The following KMT2A variants were observed in gnomAD, a reference collection of about 807,000 sequenced individuals.
The protein encoded by KMT2A is lysine methyltransferase 2A.
In KMT2A, 16 loss-of-function variants were observed where a neutral mutation model predicts 345.3. The observed-to-expected ratio is 0.05, with a 90% confidence interval of 0.03 to 0.07. The LOEUF (loss-of-function observed/expected upper bound fraction) is 0.07, where lower values mean the gene tolerates loss of function less well. Among genes scored for constraint, KMT2A ranks in the 10% least tolerant of loss-of-function variants. KMT2A has a pLI of 1.00. For missense variants in KMT2A, 3,272 were observed against 4,841.6 expected, an observed-to-expected ratio of 0.68 and a Z score of 9.62; for synonymous variants, 1,599 against 1,778.6, an observed-to-expected ratio of 0.90 and a Z score of 2.54.
At chr11:118,440,448 C>T (rs1464956623) in intron 1 of KMT2A, among the ~76,000 whole-genome samples, 3 of 152,176 alleles carry the variant, frequency 2.0e-5, no homozygotes, top group African/African-American at 7.2e-5. Flanking sequence ...TCTAAATAAA[C>T]ATAGTACAGC....
chr11:118,480,436 A>G (rs1031227708), intron 6 of KMT2A, among the ~76,000 whole-genome samples, 198 bp downstream of exon 6: 1 of 152,108 alleles, frequency 6.6e-6, no homozygotes, highest in Non-Finnish European at 1.5e-5. Flanking sequence ...GAAATTTTCC[A>G]TAATAAATTT....
At chr11:118,513,844 G>A (rs1950742052) in intron 31 of KMT2A, among the ~76,000 whole-genome samples, 2 of 150,842 alleles carry the variant, frequency 1.3e-5, no homozygotes, top group South Asian at 4.2e-4. Flanking sequence ...AGCTGATGTG[G>A]GAGGAGCGCA....
chr11:118,511,919 C>T, intron 30 of KMT2A, 32 bp from the exon 31 acceptor site: 3 of 1,585,610 alleles, frequency 1.9e-6, no homozygotes, highest in Non-Finnish European at 2.6e-6. Context: ...TGCATATTTT[C>T]TGGCTTACGG....
chr11:118,517,860 T>G (rs1411037943), intron 31 of KMT2A, among the ~76,000 whole-genome samples: 2 of 152,150 alleles, frequency 1.3e-5, no homozygotes, highest in African/African-American at 4.8e-5. Context: ...ATATTGCTTA[T>G]CTAGAGACAA....
rs1351516516 is a variant in KMT2A, at chr11:118,481,648, T to C, written c.3635-67T>C. 9 of 1,500,552 alleles carry C rather than the reference T, an allele frequency of 6.0e-6. No homozygotes were observed. The African/African-American group carries it at 8.4e-5, about 14-fold the overall frequency. 93.0% of individuals were successfully genotyped at this position (1,500,552 alleles called of 1,614,324 possible). On this transcript the variant is annotated intron_variant, in intron 6 of 35. Transcript: ENST00000534358. ...GGATTGCTGGATCATATGGTGGCTCTGTAATTCTATTTTAAATAAAATTAT... is the reference window on the plus strand; with the variant it reads ...GGATTGCTGGATCATATGGTGGCTCCGTAATTCTATTTTAAATAAAATTAT...
At chr11:118,489,686 G>A (rs1376755521) in intron 11 of KMT2A, 106 bp from the exon 12 acceptor site, 2 of 822,458 alleles carry the variant, frequency 2.4e-6, no homozygotes, top group South Asian at 3.0e-5. Context: ...ACTCATAATT[G>A]TGTGCTGTAC....
At position 118,521,021 on chromosome 11, in the gene KMT2A, C is replaced by A; in HGVS notation, c.11513+136C>A. ...GACACTATTTATTGACCCTCATATC[C>A]TGGGATCCTGCACCTCCTTGTGTTG... On this transcript the variant is annotated intron_variant, in intron 34 of 35. Transcript: ENST00000534358. The surrounding 1 kb of genome is among the most constrained non-coding windows in gnomAD (Gnocchi z 5.3). 1 of 704,236 alleles carries A rather than the reference C, an allele frequency of 1.4e-6. No individual in the cohort carries two copies. The highest frequency in any genetic ancestry group is 1.7e-5 in the South Asian group (1 of 57,426). 43.6% of individuals were successfully genotyped at this position (704,236 alleles called of 1,614,324 possible).
At chr11:118,482,258 C>CA (rs536475692) in intron 7 of KMT2A, among the ~76,000 whole-genome samples, 164 bp from the exon 8 acceptor site, 201 of 148,376 alleles carry the variant, frequency 1.4e-3, no homozygotes, top group African/African-American at 3.9e-3. Flanking sequence ...GAAACAGAAA[C>CA]AAAAAAAACA....
In KMT2A at chr11:118,472,551, A is replaced by G; in HGVS notation, c.1392A>G (p.Ala464=). The G allele has an allele frequency of 1.2e-6, 2 of 1,611,976 alleles. No homozygotes were observed. Among genetic ancestry groups the G allele is most frequent in the Non-Finnish European group, 1.7e-6 (2 of 1,179,720 alleles). ...PSCGSSEKSS[A]ASQHSSQMSS... ...GTGGATCTTCTGAAAAATCAAGTGC[A>G]GCTTCTCAGCACTCCTCTCAAATGT... The change falls in exon 3 of 36, where the codon GCA becomes GCG. Residue 464 remains alanine (A), a synonymous_variant. Coordinates refer to ENST00000534358, the MANE Select transcript of KMT2A (RefSeq NM_001197104.2).
Position 118,523,508 on chromosome 11 carries a change from A to T in KMT2A, c.*1336A>T, listed in dbSNP as rs1555054347. 8.9e-6 allele frequency: 2 copies of T among 223,892 alleles called. No individual in the cohort carries two copies. Among genetic ancestry groups the T allele is most frequent in the East Asian group, 6.5e-5 (1 of 15,354 alleles). 13.9% of individuals were successfully genotyped at this position (223,892 alleles called of 1,614,324 possible). On this transcript the variant is annotated 3_prime_UTR_variant, in exon 36 of 36. Coordinates refer to ENST00000534358, the MANE Select transcript of KMT2A (RefSeq NM_001197104.2). Reference sequence around the variant, plus strand: ...CCAAGACAGAGTCCTGAACCTGTTAAATTAAGTCATTGGATTTTACTCTGT... The same window carrying T: ...CCAAGACAGAGTCCTGAACCTGTTATATTAAGTCATTGGATTTTACTCTGT...
intron 1 of KMT2A, among the ~76,000 whole-genome samples, chr11:118,437,520 C>G (rs1555139034): frequency 6.6e-6 from 1 of 151,306 alleles, no homozygotes; most frequent in East Asian, 2.0e-4. Flanking sequence ...AGCCACTCCC[C>G]CTTCCTTCAC....
At position 118,503,481 on chromosome 11, in the gene KMT2A, T is replaced by C; in HGVS notation, c.7589T>C (p.Leu2530Pro). 5.6e-6 allele frequency: 9 copies of C among 1,614,104 alleles called. No homozygotes were observed. The highest frequency in any genetic ancestry group is 7.6e-6 in the Non-Finnish European group (9 of 1,180,016). ...KRTVKVTLTP[L>P]KMENESQSKN... Reference sequence around the variant, plus strand: ...ACAGTCAAAGTGACACTGACACCTCTAAAAATGGAAAATGAGAGTCAATCC... The same window carrying C: ...ACAGTCAAAGTGACACTGACACCTCCAAAAATGGAAAATGAGAGTCAATCC... Residue 2530 changes from leucine to proline, a missense_variant, in exon 27 of 36, where the codon CTA becomes CCA. This residue lies in a region of KMT2A where 445 missense variants were observed against 500.9 expected (regional missense o/e 0.89). Transcript: ENST00000534358. The surrounding 1 kb of genome is among the most constrained non-coding windows in gnomAD (Gnocchi z 5.3).
intron 1 of KMT2A, among the ~76,000 whole-genome samples, chr11:118,459,567 A>G (rs1306961797): frequency 6.6e-6 from 1 of 152,230 alleles, no homozygotes; most frequent in Non-Finnish European, 1.5e-5. Flanking sequence ...GAGCTTATTC[A>G]ATAGAGGAAT....
At position 118,496,298 on chromosome 11, in the gene KMT2A, C is replaced by G. The variant is rs782296960; in HGVS notation, c.5595C>G (p.Asn1865Lys). Residue 1865 changes from asparagine (N) to lysine (K), a missense_variant, in exon 20 of 36, where the codon AAC becomes AAG. Asn to Lys is a moderately conservative substitution (Grantham distance 94). Around this residue, in one of 27 missense-constraint regions of KMT2A, gnomAD observed 235 missense variants for 503.4 expected, o/e 0.47. Coordinates refer to ENST00000534358, the MANE Select transcript of KMT2A (RefSeq NM_001197104.2). The surrounding 1 kb of genome is among the most constrained non-coding windows in gnomAD (Gnocchi z 4.7). ...DRSREDSPELNPPPGIEDNRQ... is the reference protein window; with the variant it reads ...DRSREDSPELKPPPGIEDNRQ... ...GTCGAGAAGACAGTCCAGAGCTGAA[C>G]CCACCCCCAGGCATAGAAGACAATA... 2.5e-6 allele frequency: 4 copies of G among 1,613,702 alleles called. No individual in the cohort carries two copies. In the African/African-American group the frequency reaches 5.3e-5, roughly 22 times the overall value.
rs782418763 is a variant in KMT2A, at chr11:118,472,095, A to G, written c.936A>G (p.Ile312Met). ...GAAGGCCTCCATCAACAGAAAGGAT[A>G]AAGACCCCTTCGGGTCTCCTCATTA... ...RRGRPPSTER[I>M]KTPSGLLINS... is the part of the protein sequence containing the mutation. Residue 312 changes from isoleucine to methionine, a missense_variant, in exon 3 of 36, where the codon ATA becomes ATG. Transcript: ENST00000534358. 18 of 1,614,018 alleles carry G rather than the reference A, an allele frequency of 1.1e-5. No homozygotes were observed. Among genetic ancestry groups the G allele is most frequent in the Non-Finnish European group, 1.5e-5 (18 of 1,179,994 alleles).
At chr11:118,458,458 A>G (rs563900307) in intron 1 of KMT2A, among the ~76,000 whole-genome samples, 2 of 152,324 alleles carry the variant, frequency 1.3e-5, no homozygotes, top group East Asian at 3.9e-4. Context: ...CTACTATAGT[A>G]CTATTACCAC....
chr11:118,474,946 A>G (rs1950007764), intron 3 of KMT2A, among the ~76,000 whole-genome samples: 1 of 151,700 alleles, frequency 6.6e-6, no homozygotes, highest in Non-Finnish European at 1.5e-5. Flanking sequence ...CCTGGCCAAC[A>G]CGGTGAAACC....
chr11:118,455,784 A>C (rs782513935), intron 1 of KMT2A, among the ~76,000 whole-genome samples: 2 of 150,908 alleles, frequency 1.3e-5, no homozygotes, highest in Non-Finnish European at 2.9e-5. Context: ...TGCAACCTTG[A>C]CCTCCTGGGC....
In KMT2A at chr11:118,497,543, G is replaced by A. The variant is rs1591273734; in HGVS notation, c.5665-393G>A. Among the ~76,000 whole-genome samples the A allele has an allele frequency of 2.0e-5, 3 of 151,818 alleles. No homozygotes were observed. The highest frequency in any genetic ancestry group is 4.4e-5 in the Non-Finnish European group (3 of 67,966). On this transcript the variant is annotated intron_variant, in intron 20 of 35. Transcript: ENST00000534358. The surrounding 1 kb of genome is among the most constrained non-coding windows in gnomAD (Gnocchi z 4.8). ...CCTGAGTAGCTGAGACCACAGATGC[G>A]CACCACCATGCCTGGCTAATTTTTG...
Sources: gnomAD v4.1 joint callset for allele counts (sites outside exome capture counted in the v4.1 genomes callset) on GRCh38, gnomAD v4.1.1 for gene constraint, gnomAD v4.1.1 regional missense constraint, Gnocchi (gnomAD v3.1) non-coding constraint, MANE v1.5 for transcripts, NCBI Gene and HGNC (gene_info 2026-07-23, HGNC 2026-07-21) for gene names.